Variants in TSHZ3 observed in about 807,000 individuals in gnomAD.
TSHZ3 encodes teashirt homolog 3.
Under a neutral mutation model 64.5 loss-of-function variants are expected in TSHZ3, and 10 were observed. That is an observed-to-expected ratio of 0.16 (90% CI 0.10 to 0.26). TSHZ3 has a LOEUF of 0.26. TSHZ3 is among the 10% of genes least tolerant of loss of function. TSHZ3 has a pLI of 1.00. For synonymous variants in TSHZ3, 608 were observed against 593.1 expected, an observed-to-expected ratio of 1.03 and a Z score of -0.36; for missense variants, 1,242 against 1,421.7, an observed-to-expected ratio of 0.87 and a Z score of 2.03.
chr19:31,286,698 G>C (rs1255825730), intron 1 of TSHZ3, among the ~76,000 whole-genome samples: 1 of 152,228 alleles, frequency 6.6e-6, no homozygotes, highest in East Asian at 1.9e-4. Context: ...AGTGTGGGAG[G>C]GAGCGCCCTG....
rs774916672 is a variant in TSHZ3, at chr19:31,277,281, G to C, written c.2512C>G (p.Pro838Ala). Residue 838 changes from proline (P) to alanine (A), a missense_variant, in exon 2 of 2, where the codon CCG becomes GCG. This residue lies in a region of TSHZ3 where 550 missense variants were observed against 545.1 expected (regional missense o/e 1.01). Transcript: ENST00000240587. This position sits in a 1 kb window ranked among gnomAD's most constrained non-coding sequence, Gnocchi z 4.5. ...SAVVSFMSNS[P>A]LRENALSDIS... ...TCTGACAAGGCATTCTCGCGTAGCG[G>C]CGAGTTTGACATGAATGATACGACG... 6 of 1,613,896 alleles carry C rather than the reference G, an allele frequency of 3.7e-6. No individual in the cohort carries two copies. The highest frequency in any genetic ancestry group is 8.5e-7 in the Non-Finnish European group (1 of 1,179,862).
intron 1 of TSHZ3, among the ~76,000 whole-genome samples, chr19:31,249,059 G>A (rs1975797990): frequency 1.3e-5 from 2 of 151,800 alleles, no homozygotes; most frequent in Admixed American, 6.6e-5. Flanking sequence ...GCTCGCTTGC[G>A]ACCCCCAAGA....
intron 5 of TSHZ3, among the ~76,000 whole-genome samples, chr19:31,190,017 A>G (rs1974877342): frequency 6.6e-6 from 1 of 151,046 alleles, no homozygotes; most frequent in African/African-American, 2.4e-5. Context: ...TAATAGAGCC[A>G]TGCTAGATTT....
intron 1 of TSHZ3, among the ~76,000 whole-genome samples, chr19:31,345,331 G>A (rs1917556413): frequency 6.6e-6 from 1 of 152,216 alleles, no homozygotes; most frequent in South Asian, 2.1e-4. Context: ...ATGCCCTTCT[G>A]AATGCTCCAT....
At chr19:31,310,923 C>T (rs989006091) in intron 1 of TSHZ3, among the ~76,000 whole-genome samples, 1 of 152,218 alleles carries the variant, frequency 6.6e-6, no homozygotes, top group Non-Finnish European at 1.5e-5. Context: ...CCTGCAGTGA[C>T]AAGGCCAGGA....
intron 1 of TSHZ3, among the ~76,000 whole-genome samples, chr19:31,319,563 G>A (rs1300807657): frequency 1.3e-5 from 2 of 152,100 alleles, no homozygotes; most frequent in Non-Finnish European, 2.9e-5. Context: ...CACCACTGAG[G>A]GAGACTGATG....
chr19:31,323,065 T>C (rs1916819757), intron 1 of TSHZ3, among the ~76,000 whole-genome samples: 1 of 152,238 alleles, frequency 6.6e-6, no homozygotes, highest in Non-Finnish European at 1.5e-5. Flanking sequence ...GTATTGTATT[T>C]GGCAACCTGC....
intron 1 of TSHZ3, among the ~76,000 whole-genome samples, chr19:31,280,251 A>G (rs888860576): frequency 3.3e-5 from 5 of 152,196 alleles, no homozygotes; most frequent in Admixed American, 3.3e-4. Flanking sequence ...TTTAATAAAT[A>G]TAAAGTATAA....
chr19:31,338,290 C>T (rs1160385886), intron 1 of TSHZ3, among the ~76,000 whole-genome samples: 2 of 152,178 alleles, frequency 1.3e-5, no homozygotes, highest in African/African-American at 4.8e-5. Flanking sequence ...AGGGTGCAAA[C>T]CCAGAAGCGA....
intron 1 of TSHZ3, among the ~76,000 whole-genome samples, chr19:31,261,174 C>T (rs951817917): frequency 6.6e-6 from 1 of 152,144 alleles, no homozygotes; most frequent in African/African-American, 2.4e-5. Context: ...GCCCTGTAGG[C>T]AGAACATCTG....
intron 1 of TSHZ3, among the ~76,000 whole-genome samples, chr19:31,341,629 T>TCTCA (rs1917439561): frequency 1.1e-5 from 1 of 89,578 alleles, no homozygotes; most frequent in Non-Finnish European, 2.3e-5. Context: ...TCTCTCTCTC[T>TCTCA]GACACACACA....
intron 5 of TSHZ3, among the ~76,000 whole-genome samples, chr19:31,171,972 A>T (rs1244562420): frequency 1.3e-5 from 2 of 152,206 alleles, no homozygotes; most frequent in African/African-American, 4.8e-5. Context: ...CCATTTGTTC[A>T]TTCCAGGCCT....
intron 5 of TSHZ3, among the ~76,000 whole-genome samples, chr19:31,177,194 A>G (rs1974622563): frequency 6.6e-6 from 1 of 152,200 alleles, no homozygotes; most frequent in Non-Finnish European, 1.5e-5. Context: ...GGATGCATCA[A>G]TGGACCATGG....
chr19:31,178,553 C>T (rs139109938), intron 5 of TSHZ3, among the ~76,000 whole-genome samples: 94 of 152,290 alleles, frequency 6.2e-4, no homozygotes, highest in South Asian at 1.5e-3. Flanking sequence ...GTGGCACATG[C>T]CTCTAATCCC....
At chr19:31,327,600 T>C (rs985970364) in intron 1 of TSHZ3, among the ~76,000 whole-genome samples, 1 of 152,216 alleles carries the variant, frequency 6.6e-6, no homozygotes, top group Non-Finnish European at 1.5e-5. Flanking sequence ...GATACACATA[T>C]GTACCATACA....
At chr19:31,291,444 G>A (rs529242856) in intron 1 of TSHZ3, among the ~76,000 whole-genome samples, 5 of 152,310 alleles carry the variant, frequency 3.3e-5, no homozygotes, top group African/African-American at 4.8e-5. Flanking sequence ...AGAAAAGGAG[G>A]AGGCCAGAAC....
intron 5 of TSHZ3, among the ~76,000 whole-genome samples, chr19:31,190,798 G>A (rs1974892480): frequency 6.6e-6 from 1 of 152,062 alleles, no homozygotes; most frequent in African/African-American, 2.4e-5. Context: ...TATGTTCAAG[G>A]ATTTAAAATA....
intron 1 of TSHZ3, among the ~76,000 whole-genome samples, chr19:31,266,694 C>A (rs1976057749): frequency 6.6e-6 from 1 of 152,154 alleles, no homozygotes; most frequent in African/African-American, 2.4e-5. Context: ...CTAATAAATC[C>A]CCATCTGAGA....
intron 1 of TSHZ3, among the ~76,000 whole-genome samples, chr19:31,319,424 C>T (rs938758862): frequency 3.3e-5 from 5 of 152,094 alleles, no homozygotes; most frequent in African/African-American, 1.2e-4. Flanking sequence ...ATATGAAGAT[C>T]ACTTGGTGAG....
Sources: gnomAD v4.1 joint callset for allele counts (sites outside exome capture counted in the v4.1 genomes callset) on GRCh38, gnomAD v4.1.1 for gene constraint, gnomAD v4.1.1 regional missense constraint, Gnocchi (gnomAD v3.1) non-coding constraint, MANE v1.5 for transcripts, NCBI Gene and HGNC (gene_info 2026-07-23, HGNC 2026-07-21) for gene names.